Variants in FBXL7 observed in about 807,000 individuals in gnomAD.
FBXL7 encodes F-box/LRR-repeat protein 7.
In FBXL7, 12 loss-of-function variants were observed where a neutral mutation model predicts 38.3. The ratio of observed to expected loss-of-function variants is 0.31; its 90% CI spans 0.20 to 0.51. FBXL7 has a LOEUF of 0.51. Ranked by LOEUF, FBXL7 falls within the 20% of genes least tolerant of loss-of-function variation. The pLI, the probability that FBXL7 is intolerant of heterozygous loss-of-function variation, is 0.98. For missense variants in FBXL7, 567 were observed against 676.4 expected (o/e 0.84, Z 1.79); for synonymous variants, 297 against 300.9 (o/e 0.99, Z 0.13).
intron 2 of FBXL7, among the ~76,000 whole-genome samples, chr5:15,628,295 G>A (rs1042022373): frequency 2.0e-5 from 3 of 151,780 alleles, no homozygotes; most frequent in African/African-American, 7.3e-5. Context: ...CTGCCCAGAA[G>A]AGAGATTCTG....
At chr5:15,606,519 C>T (rs116578397) in intron 1 of FBXL7, among the ~76,000 whole-genome samples, 3 of 152,128 alleles carry the variant, frequency 2.0e-5, no homozygotes, top group Middle Eastern at 3.2e-3. Context: ...GCCCTGAGGC[C>T]GCTTATTAGA....
At chr5:15,539,135 C>G (rs746875265) in intron 1 of FBXL7, among the ~76,000 whole-genome samples, 30 of 152,284 alleles carry the variant, frequency 2.0e-4, no homozygotes, top group Admixed American at 8.5e-4. Flanking sequence ...GCTGAAGCAT[C>G]CTTCTCTTGT....
At chr5:15,702,592 T>C (rs937845312) in intron 2 of FBXL7, among the ~76,000 whole-genome samples, 1 of 152,222 alleles carries the variant, frequency 6.6e-6, no homozygotes, top group Non-Finnish European at 1.5e-5. Context: ...AGGTTCATTG[T>C]TATCATCATC....
chr5:15,853,556 G>C (rs1204173506), intron 2 of FBXL7, among the ~76,000 whole-genome samples: 2 of 152,134 alleles, frequency 1.3e-5, no homozygotes, highest in Admixed American at 1.3e-4. Context: ...GCATCCTTGT[G>C]ATAGGGATGT....
intron 2 of FBXL7, among the ~76,000 whole-genome samples, chr5:15,791,773 C>T (rs1202191727): frequency 6.6e-6 from 1 of 152,162 alleles, no homozygotes; most frequent in African/African-American, 2.4e-5. Context: ...CTTCTCTCTT[C>T]TCCTTCCCAG....
chr5:15,636,708 G>A (rs548478172), intron 2 of FBXL7, among the ~76,000 whole-genome samples: 4 of 147,326 alleles, frequency 2.7e-5, no homozygotes, highest in South Asian at 2.1e-4. Context: ...ATATGTGGTC[G>A]CTGATTATTT....
intron 1 of FBXL7, among the ~76,000 whole-genome samples, chr5:15,506,538 G>A (rs1203847517): frequency 6.6e-6 from 1 of 152,152 alleles, no homozygotes; most frequent in African/African-American, 2.4e-5. Context: ...AGTTCAAGCT[G>A]CCATAACAAA....
intron 2 of FBXL7, among the ~76,000 whole-genome samples, chr5:15,761,042 C>G (rs1036573685): frequency 1.3e-5 from 2 of 152,080 alleles, no homozygotes; most frequent in African/African-American, 4.8e-5. Flanking sequence ...AATGGGGCAG[C>G]CATGACAGTC....
At chr5:15,764,833 A>AG (rs1736544395) in intron 2 of FBXL7, among the ~76,000 whole-genome samples, 1 of 152,268 alleles carries the variant, frequency 6.6e-6, no homozygotes, top group African/African-American at 2.4e-5. Flanking sequence ...CTGCCTTACC[A>AG]TAATCTAGAG....
Position 15,730,241 on chromosome 5 carries a change from G to A in FBXL7, c.127+114169G>A, listed in dbSNP as rs148648255. Among the ~76,000 whole-genome samples the A allele has an allele frequency of 1.7e-3, 258 of 152,022 alleles. 2 individuals are homozygous for A. The highest frequency in any genetic ancestry group is 5.4e-3 in the African/African-American group (225 of 41,470). On this transcript the variant is annotated intron_variant, in intron 2 of 3. Coordinates refer to ENST00000504595, the MANE Select transcript of FBXL7 (RefSeq NM_012304.5). ...TGGAAGAAATTTATCTCAAAGTTTC[G>A]TGTATTTTTCTCTTGCACAGGTACT...
intron 2 of FBXL7, among the ~76,000 whole-genome samples, chr5:15,797,186 G>GA (rs57126377): frequency 0.087 from 13,279 of 152,184 alleles, 590 homozygotes; most frequent in Middle Eastern, 0.13. Flanking sequence ...TCCTTGCTGT[G>GA]AAAACAGAGG....
At chr5:15,623,399 G>T in intron 2 of FBXL7, among the ~76,000 whole-genome samples, 1 of 152,200 alleles carries the variant, frequency 6.6e-6, no homozygotes. Context: ...TTGCGAGGAA[G>T]TCATTTTAAA....
At chr5:15,733,391 G>A (rs1425273013) in intron 2 of FBXL7, among the ~76,000 whole-genome samples, 1 of 151,900 alleles carries the variant, frequency 6.6e-6, no homozygotes, top group East Asian at 1.9e-4. Flanking sequence ...GCCCCGGCCA[G>A]AAATCATATT....
At chr5:15,597,996 T>G (rs1739675387) in intron 1 of FBXL7, among the ~76,000 whole-genome samples, 1 of 152,238 alleles carries the variant, frequency 6.6e-6, no homozygotes, top group South Asian at 2.1e-4. Context: ...AGCCAGACCT[T>G]TCCCTTCACT....
At chr5:15,912,245 C>T (rs1741449970) in intron 2 of FBXL7, among the ~76,000 whole-genome samples, 2 of 83,660 alleles carry the variant, frequency 2.4e-5, no homozygotes, top group East Asian at 6.1e-4. Context: ...TTTCTTAAGC[C>T]GGTCTGAAAA....
chr5:15,936,953 G>T lies in FBXL7; in HGVS notation c.1243G>T (p.Val415Leu), dbSNP rs1456770223. Residue 415 changes from valine to leucine, a missense_variant, in exon 4 of 4, where the codon GTA becomes TTA. Coordinates refer to ENST00000504595, the MANE Select transcript of FBXL7 (RefSeq NM_012304.5). The surrounding 1 kb of genome is among the most constrained non-coding windows in gnomAD (Gnocchi z 6.0). ...CCTGGATATCGGCAAATGCCCTTTGGTATCCGACACGGGCCTGGAGTGCCT... is the reference window on the plus strand; with the variant it reads ...CCTGGATATCGGCAAATGCCCTTTGTTATCCGACACGGGCCTGGAGTGCCT... ...KSLDIGKCPL[V>L]SDTGLECLAL... 2 of 1,614,062 alleles carry T rather than the reference G, an allele frequency of 1.2e-6. No homozygotes were observed. Among genetic ancestry groups the T allele is most frequent in the Admixed American group, 3.3e-5 (2 of 60,032 alleles).
chr5:15,690,091 C>A (rs1743135881), intron 2 of FBXL7, among the ~76,000 whole-genome samples: 1 of 152,124 alleles, frequency 6.6e-6, no homozygotes, highest in Non-Finnish European at 1.5e-5. Context: ...AGTTTTCTGC[C>A]CTTTTTGCTA....
chr5:15,751,086 G>C (rs924447789), intron 2 of FBXL7, among the ~76,000 whole-genome samples: 2 of 151,822 alleles, frequency 1.3e-5, no homozygotes, highest in Non-Finnish European at 2.9e-5. Flanking sequence ...TTCTGTTTCC[G>C]TGTTGTGGTT....
chr5:15,593,272 C>T (rs1009297871), intron 1 of FBXL7, among the ~76,000 whole-genome samples: 2 of 151,980 alleles, frequency 1.3e-5, no homozygotes, highest in Admixed American at 6.6e-5. Flanking sequence ...ACCTATAATC[C>T]CAACACTTTG....
Sources: allele counts gnomAD v4.1 joint callset (sites outside exome capture counted in the v4.1 genomes callset), GRCh38; gene constraint gnomAD v4.1.1; non-coding constraint Gnocchi (gnomAD v3.1); transcripts MANE v1.5; gene names NCBI Gene and HGNC (gene_info 2026-07-23, HGNC 2026-07-21).